Variants in DLG1 observed in about 807,000 individuals in gnomAD.
DLG1 encodes discs large MAGUK scaffold protein 1.
Under a neutral mutation model 123.4 loss-of-function variants are expected in DLG1, and 42 were observed. The ratio of observed to expected loss-of-function variants is 0.34; its 90% CI spans 0.27 to 0.44. The LOEUF is 0.44. Ranked by LOEUF, DLG1 falls within the 20% of genes least tolerant of loss-of-function variation. The probability of loss-of-function intolerance (pLI) is 1.00; values close to 1 mark genes in which losing one functional copy is unlikely to be tolerated. For missense variants in DLG1, 942 were observed against 1,082.6 expected (o/e 0.87, Z 1.82); for synonymous variants, 317 against 356.2 (o/e 0.89, Z 1.24).
At chr3:197,175,272 A>G (rs1000247208) in intron 5 of DLG1, among the ~76,000 whole-genome samples, 3 of 152,220 alleles carry the variant, frequency 2.0e-5, no homozygotes, top group African/African-American at 7.2e-5. Context: ...TCAAAATTCT[A>G]AACTTTGCTA....
At chr3:197,194,337 T>C in intron 5 of DLG1, 88 bp downstream of exon 5, 1 of 918,402 alleles carries the variant, frequency 1.1e-6, no homozygotes. Flanking sequence ...CGAACCTACA[T>C]GAAAGAATAC....
At chr3:197,270,774 TTG>T (rs1456822743) in intron 4 of DLG1, among the ~76,000 whole-genome samples, 1 of 152,160 alleles carries the variant, frequency 6.6e-6, no homozygotes, top group East Asian at 1.9e-4. Context: ...CAACCTGATA[TTG>T]TGAGCCTCCT....
intron 17 of DLG1, among the ~76,000 whole-genome samples, chr3:197,077,531 C>A (rs1234388821): frequency 6.6e-6 from 1 of 152,032 alleles, no homozygotes; most frequent in Non-Finnish European, 1.5e-5. Flanking sequence ...AATGTAGAAC[C>A]ACATCCAATC....
intron 4 of DLG1, among the ~76,000 whole-genome samples, chr3:197,264,042 A>G (rs1200262681): frequency 6.6e-6 from 1 of 152,236 alleles, no homozygotes; most frequent in African/African-American, 2.4e-5. Context: ...ATAGTCAAAT[A>G]TCCAAATTAA....
intron 5 of DLG1, among the ~76,000 whole-genome samples, chr3:197,189,284 C>A (rs982124629): frequency 1.3e-5 from 2 of 151,914 alleles, no homozygotes; most frequent in African/African-American, 4.8e-5. Flanking sequence ...AATTATGGTG[C>A]AAATATATCA....
chr3:197,093,488 C>T (rs1164090460), intron 14 of DLG1, among the ~76,000 whole-genome samples: 1 of 152,068 alleles, frequency 6.6e-6, no homozygotes, highest in Non-Finnish European at 1.5e-5. Flanking sequence ...TACACATTTC[C>T]CTGCTTTGCT....
chr3:197,184,628 T>C (rs1714693668), intron 5 of DLG1, among the ~76,000 whole-genome samples: 1 of 152,254 alleles, frequency 6.6e-6, no homozygotes, highest in African/African-American at 2.4e-5. Flanking sequence ...ATTTTGCTTC[T>C]GGAACCTTTA....
chr3:197,061,695 G>A (rs748582157), intron 22 of DLG1, among the ~76,000 whole-genome samples: 7 of 152,074 alleles, frequency 4.6e-5, no homozygotes, highest in Non-Finnish European at 8.8e-5. Context: ...CTCTCGGATG[G>A]CAGGTTACAC....
At chr3:197,268,578 C>T (rs1474501854) in intron 4 of DLG1, among the ~76,000 whole-genome samples, 2 of 151,968 alleles carry the variant, frequency 1.3e-5, no homozygotes, top group African/African-American at 2.4e-5. Context: ...AAGGCACCAA[C>T]CACGCCTAAT....
chr3:197,271,030 C>T (rs115865821), intron 4 of DLG1, among the ~76,000 whole-genome samples: 1,812 of 152,246 alleles, frequency 0.012, 39 homozygotes, highest in African/African-American at 0.041. Context: ...ATAAGGAAGA[C>T]TATTCTATCA....
At chr3:197,161,554 C>A in intron 5 of DLG1, 1 of 791,202 alleles carries the variant, frequency 1.3e-6, no homozygotes, top group Non-Finnish European at 1.8e-6. Context: ...TTACAAAAAA[C>A]AGCTCAAACA....
intron 14 of DLG1, among the ~76,000 whole-genome samples, chr3:197,097,770 AG>A (rs1223233662): frequency 7.4e-5 from 11 of 148,566 alleles, no homozygotes; most frequent in African/African-American, 4.9e-5. Context: ...TAGTAGAGAC[AG>A]GGGTTTCACC....
intron 24 of DLG1, 90 bp downstream of exon 24, chr3:197,051,487 C>T: frequency 2.1e-6 from 2 of 951,168 alleles, no homozygotes; most frequent in Admixed American, 1.9e-5. Flanking sequence ...TAGATGTAGG[C>T]ATAGTTCAAA....
At chr3:197,280,337 T>TTG (rs10575004) in intron 4 of DLG1, among the ~76,000 whole-genome samples, 20,753 of 149,920 alleles carry the variant, frequency 0.14, 1,724 homozygotes, top group African/African-American at 0.25. Context: ...GTAGTCCATT[T>TTG]TGTGTGTGTG....
At chr3:197,215,403 T>C (rs898317110) in intron 4 of DLG1, among the ~76,000 whole-genome samples, 1 of 152,102 alleles carries the variant, frequency 6.6e-6, no homozygotes, top group African/African-American at 2.4e-5. Flanking sequence ...AGATTTGAGA[T>C]CTCAATGTGA....
intron 10 of DLG1, among the ~76,000 whole-genome samples, chr3:197,132,080 T>C (rs538997446): frequency 1.4e-3 from 211 of 152,290 alleles, no homozygotes; most frequent in African/African-American, 4.7e-3. Context: ...CCCTCTTTCA[T>C]GCTTGCTTTC....
In DLG1 at chr3:197,150,010, C is replaced by T. The variant is rs182019763; in HGVS notation, c.484-214G>A. On this transcript the variant is annotated intron_variant, in intron 5 of 24. Transcript: ENST00000667157. ...AGATTTGCTTTTAAGAAATAAATTG[C>T]TATTTCTGCTAAAGCAGCCATGATT... Among the ~76,000 whole-genome samples, 63 of 152,232 alleles carry T rather than the reference C, an allele frequency of 4.1e-4. 1 individual carries two copies. The highest frequency in any genetic ancestry group is 2.5e-3 in the South Asian group (12 of 4,828).
chr3:197,150,136 T>C (rs1013604113), intron 5 of DLG1, among the ~76,000 whole-genome samples: 6 of 152,166 alleles, frequency 3.9e-5, no homozygotes, highest in Non-Finnish European at 8.8e-5. Flanking sequence ...AAATCATTGT[T>C]TTCTCTTCCC....
intron 4 of DLG1, among the ~76,000 whole-genome samples, chr3:197,255,350 T>C (rs771328112): frequency 6.6e-6 from 1 of 152,116 alleles, no homozygotes; most frequent in African/African-American, 2.4e-5. Context: ...TTAATCACAG[T>C]GCTTATGAAA....
Sources: gnomAD v4.1 joint callset for allele counts (sites outside exome capture counted in the v4.1 genomes callset) on GRCh38, gnomAD v4.1.1 for gene constraint, MANE v1.5 for transcripts, NCBI Gene and HGNC (gene_info 2026-07-23, HGNC 2026-07-21) for gene names.